The following BMAL1 variants were observed in gnomAD, a reference collection of about 807,000 sequenced individuals.
BMAL1 encodes basic helix-loop-helix ARNT-like protein 1.
chr11:13,365,864 C>CAG, the BMAL1 span, among the ~76,000 whole-genome samples: 2 of 152,130 alleles, frequency 1.3e-5, no homozygotes, highest in Non-Finnish European at 2.9e-5. Flanking sequence ...GTGGCAAGGA[C>CAG]AGAGGGTAAG....
chr11:13,348,173 G>A, the BMAL1 span, among the ~76,000 whole-genome samples: 1 of 152,234 alleles, frequency 6.6e-6, no homozygotes, highest in Admixed American at 6.5e-5. Context: ...GAGTTTATCA[G>A]GTGACTGGGT....
At chr11:13,384,078 G>A in the BMAL1 span, among the ~76,000 whole-genome samples, 1 of 152,040 alleles carries the variant, frequency 6.6e-6, no homozygotes, top group South Asian at 2.1e-4. Context: ...CATTTTTATT[G>A]TATATGGTCA....
At chr11:13,294,860 T>C in the BMAL1 span, among the ~76,000 whole-genome samples, 9 of 152,232 alleles carry the variant, frequency 5.9e-5, no homozygotes, top group Non-Finnish European at 1.2e-4. Context: ...CAGTGTTCTC[T>C]GTTCATGTTC....
the BMAL1 span, among the ~76,000 whole-genome samples, chr11:13,288,977 C>T: frequency 5.9e-5 from 9 of 151,784 alleles, no homozygotes; most frequent in South Asian, 1.4e-3. Context: ...CCCACATTTT[C>T]TGGAAAGAGC....
the BMAL1 span, among the ~76,000 whole-genome samples, chr11:13,316,972 C>T: frequency 6.6e-6 from 1 of 152,106 alleles, no homozygotes; most frequent in Non-Finnish European, 1.5e-5. Context: ...TAAGACAAAC[C>T]CACCAAGCTC....
chr11:13,330,620 G>A, the BMAL1 span, among the ~76,000 whole-genome samples: 4 of 152,258 alleles, frequency 2.6e-5, no homozygotes, highest in Non-Finnish European at 5.9e-5. Flanking sequence ...TTATTGGCAA[G>A]TGGGTGCTGA....
At chr11:13,358,573 C>T in the BMAL1 span, 1 of 1,601,990 alleles carries the variant, frequency 6.2e-7, no homozygotes, top group Non-Finnish European at 8.5e-7. Context: ...GGCTGTTCAG[C>T]ACATGAAAAC....
the BMAL1 span, among the ~76,000 whole-genome samples, chr11:13,320,514 C>T: frequency 1.3e-5 from 2 of 152,208 alleles, no homozygotes; most frequent in Admixed American, 6.5e-5. Context: ...GATGACCTCA[C>T]CTCTTTGAGC....
chr11:13,342,914 A>G, the BMAL1 span, among the ~76,000 whole-genome samples: 2 of 152,184 alleles, frequency 1.3e-5, no homozygotes, highest in Admixed American at 6.5e-5. Flanking sequence ...TCTGTAAGAC[A>G]GGGGATGAAA....
At chr11:13,381,559 G>A in the BMAL1 span, among the ~76,000 whole-genome samples, 1 of 152,150 alleles carries the variant, frequency 6.6e-6, no homozygotes, top group African/African-American at 2.4e-5. Context: ...AAAGATTATT[G>A]AGTACCTCAC....
chr11:13,279,161 T>G, the BMAL1 span, among the ~76,000 whole-genome samples: 1 of 152,220 alleles, frequency 6.6e-6, no homozygotes, highest in Non-Finnish European at 1.5e-5. Flanking sequence ...TTGCGGTCTC[T>G]TCCTTCTTCC....
chr11:13,354,659 C>T, the BMAL1 span: 1 of 568,740 alleles, frequency 1.8e-6, no homozygotes, highest in Non-Finnish European at 3.0e-6. Flanking sequence ...CATTTAACTT[C>T]CACTTCCTGT....
chr11:13,308,102 A>G, the BMAL1 span, among the ~76,000 whole-genome samples: 1 of 152,142 alleles, frequency 6.6e-6, no homozygotes, highest in Admixed American at 6.5e-5. Flanking sequence ...CACATTCTGA[A>G]TACATTTTGA....
the BMAL1 span, chr11:13,276,715 CCTT>C: frequency 6.6e-6 from 1 of 152,276 alleles, no homozygotes; most frequent in East Asian, 1.9e-4. Flanking sequence ...AAGACGCTGT[CCTT>C]CTATTCAGGG....
chr11:13,354,100 ATAT>A, the BMAL1 span, among the ~76,000 whole-genome samples: 1 of 152,120 alleles, frequency 6.6e-6, no homozygotes, highest in African/African-American at 2.4e-5. Context: ...CTTAAAATAA[ATAT>A]GATGCTCTTT....
the BMAL1 span, chr11:13,381,278 A>T: frequency 6.2e-7 from 1 of 1,609,312 alleles, no homozygotes; most frequent in South Asian, 1.1e-5. Context: ...TTCTTAGCCT[A>T]AGCTAGAGAA....
the BMAL1 span, among the ~76,000 whole-genome samples, chr11:13,362,635 C>T: frequency 6.6e-6 from 1 of 152,092 alleles, no homozygotes; most frequent in African/African-American, 2.4e-5. Context: ...GGCTACCACT[C>T]TCAGGACACA....
the BMAL1 span, chr11:13,365,681 T>G: frequency 1.9e-6 from 2 of 1,035,274 alleles, no homozygotes; most frequent in Admixed American, 4.6e-5. Flanking sequence ...AGTATACAAG[T>G]CACATGTGAA....
At chr11:13,321,750 C>T in the BMAL1 span, among the ~76,000 whole-genome samples, 1 of 152,088 alleles carries the variant, frequency 6.6e-6, no homozygotes, top group Non-Finnish European at 1.5e-5. Flanking sequence ...ACTTTTATTT[C>T]TAAGGTACTT....
Sources: allele counts gnomAD v4.1 joint callset (sites outside exome capture counted in the v4.1 genomes callset), GRCh38; gene constraint gnomAD v4.1.1; transcripts MANE v1.5; gene names NCBI Gene and HGNC (gene_info 2026-07-23, HGNC 2026-07-21).